Variants in RIC1 observed in about 807,000 individuals in gnomAD.
RIC1 encodes RIC1 partner of RAB6A GEF complex.
Under a neutral mutation model 169.0 loss-of-function variants are expected in RIC1, and 88 were observed. That is an observed-to-expected ratio of 0.52 (90% confidence interval 0.44 to 0.62). RIC1 has a LOEUF of 0.62. RIC1 is among the 20% of genes least tolerant of loss of function. The pLI, the probability that RIC1 is intolerant of heterozygous loss-of-function variation, is 0.00. For missense variants in RIC1, 1,877 were observed against 1,725.5 expected (o/e 1.09, Z -1.56); for synonymous variants, 790 against 601.5 (o/e 1.31, Z -4.59).
chr9:5,772,326 G>T (rs1249102564), intron 23 of RIC1, among the ~76,000 whole-genome samples: 1 of 152,176 alleles, frequency 6.6e-6, no homozygotes, highest in East Asian at 1.9e-4. Flanking sequence ...GGGAGTTGGG[G>T]AAGACTGCTT....
intron 1 of RIC1, among the ~76,000 whole-genome samples, chr9:5,639,212 T>G (rs1818119384): frequency 6.6e-6 from 1 of 152,200 alleles, no homozygotes; most frequent in African/African-American, 2.4e-5. Flanking sequence ...GCCATTTTTC[T>G]TCTTTTATGG....
intron 6 of RIC1, among the ~76,000 whole-genome samples, chr9:5,731,929 A>T (rs1231142693): frequency 6.6e-6 from 1 of 152,232 alleles, no homozygotes; most frequent in African/African-American, 2.4e-5. Context: ...TGTAGAGAAT[A>T]GTAAGCAATT....
chr9:5,758,572 G>A (rs143446566), intron 17 of RIC1, among the ~76,000 whole-genome samples: 54 of 152,094 alleles, frequency 3.6e-4, no homozygotes, highest in Middle Eastern at 3.4e-3. Context: ...ATGATGACCC[G>A]TAAAATATCT....
intron 14 of RIC1, among the ~76,000 whole-genome samples, chr9:5,754,336 T>C (rs1479122139): frequency 6.6e-6 from 1 of 152,240 alleles, no homozygotes; most frequent in Non-Finnish European, 1.5e-5. Flanking sequence ...ATACTTGCCT[T>C]CTTAAAGAAA....
In RIC1 at chr9:5,753,181, G is replaced by T. The variant is rs1400604579; in HGVS notation, c.1453-19G>T. 2 of 1,598,248 alleles carry T rather than the reference G, an allele frequency of 1.3e-6. No homozygotes were observed. Among genetic ancestry groups the T allele is most frequent in the Non-Finnish European group, 1.7e-6 (2 of 1,165,780 alleles). ...TATATTTCATAAGTTTTACCAATCT[G>T]ATGTGTTATTTTCTATAGATTTCCA... On this transcript the variant is annotated intron_variant, in intron 12 of 25. Coordinates refer to ENST00000414202, the MANE Select transcript of RIC1 (RefSeq NM_020829.4).
chr9:5,747,291 C>T lies in RIC1; in HGVS notation c.1249-11C>T, dbSNP rs745658702. 1.3e-5 allele frequency: 21 copies of T among 1,609,536 alleles called. No homozygotes were observed. In the Admixed American group the frequency reaches 1.5e-4, roughly 12 times the overall value. On this transcript the variant is annotated splice_polypyrimidine_tract_variant and intron_variant, in intron 11 of 25. Transcript: ENST00000414202. ...CTCCTTTGCCCTTTTGTTCCTCTTT[C>T]CCTCATTTAGAGTAACCAAGAGCAG...
intron 3 of RIC1, among the ~76,000 whole-genome samples, chr9:5,702,259 A>G (rs1188557584): frequency 6.6e-6 from 1 of 152,234 alleles, no homozygotes; most frequent in Non-Finnish European, 1.5e-5. Context: ...AGAGAGTAGC[A>G]TCTGAGCTGA....
At chr9:5,662,157 A>G (rs1380991797) in intron 2 of RIC1, among the ~76,000 whole-genome samples, 1 of 152,246 alleles carries the variant, frequency 6.6e-6, no homozygotes, top group African/African-American at 2.4e-5. Context: ...ATGTTGAACC[A>G]GTCTTGCATT....
chr9:5,765,837 C>G lies in RIC1; in HGVS notation c.3137+39C>G, dbSNP rs113180251. ...GAGCCATTACTGCTTTTTGGGCATT[C>G]ATGACACATTGCATTTCAAGACATT... On this transcript the variant is annotated intron_variant, in intron 21 of 25. Transcript: ENST00000414202. 1.2e-5 allele frequency: 20 copies of G among 1,606,636 alleles called. No individual in the cohort carries two copies. In the African/African-American group the frequency reaches 1.3e-4, roughly 11 times the overall value.
intron 2 of RIC1, among the ~76,000 whole-genome samples, chr9:5,667,662 C>A (rs984684592): frequency 1.3e-5 from 2 of 152,072 alleles, no homozygotes; most frequent in Admixed American, 1.3e-4. Context: ...CACCACCACG[C>A]CTGGCTGATT....
At chr9:5,730,119 A>G (rs1270817951) in intron 6 of RIC1, among the ~76,000 whole-genome samples, 25 of 152,340 alleles carry the variant, frequency 1.6e-4, no homozygotes, top group Non-Finnish European at 5.9e-5. Flanking sequence ...AACAGTACCT[A>G]TGTATTAATG....
At chr9:5,777,351 A>T (rs911486530), downstream of RIC1, among the ~76,000 whole-genome samples, 3 of 148,596 alleles carry the variant, frequency 2.0e-5, no homozygotes, top group Admixed American at 6.7e-5. Context: ...GAAGGGGAGG[A>T]TCTAATTCCA....
At chr9:5,706,932 A>G (rs751908325) in intron 3 of RIC1, among the ~76,000 whole-genome samples, 51 of 152,124 alleles carry the variant, frequency 3.4e-4, no homozygotes, top group Non-Finnish European at 5.9e-4. Context: ...TAGCCACTCT[A>G]ATTTTTATCA....
At chr9:5,699,895 T>TA (rs1368908658) in intron 3 of RIC1, among the ~76,000 whole-genome samples, 1 of 152,242 alleles carries the variant, frequency 6.6e-6, no homozygotes, top group Non-Finnish European at 1.5e-5. Flanking sequence ...TCTACAGAAT[T>TA]AGTTTTATAT....
chr9:5,743,378 C>T (rs374828339), intron 9 of RIC1, among the ~76,000 whole-genome samples: 1 of 152,022 alleles, frequency 6.6e-6, no homozygotes, highest in East Asian at 1.9e-4. Flanking sequence ...TGTAGGTTAG[C>T]CCAGTGATTG....
chr9:5,751,644 G>A (rs1007624377), intron 12 of RIC1, among the ~76,000 whole-genome samples: 3 of 152,058 alleles, frequency 2.0e-5, no homozygotes, highest in East Asian at 1.9e-4. Context: ...CATGAGCCAC[G>A]GTGCCTGGCC....
At chr9:5,737,664 C>G (rs1045917105) in intron 7 of RIC1, among the ~76,000 whole-genome samples, 1 of 151,656 alleles carries the variant, frequency 6.6e-6, no homozygotes, top group Non-Finnish European at 1.5e-5. Context: ...GAGGTACCAA[C>G]CCCCCAACAC....
At chr9:5,638,637 G>A (rs1391449621) in intron 1 of RIC1, among the ~76,000 whole-genome samples, 1 of 152,154 alleles carries the variant, frequency 6.6e-6, no homozygotes, top group African/African-American at 2.4e-5. Context: ...GTTGCTCATA[G>A]TAGTTTGTGA....
At chr9:5,733,061 G>C (rs1587058012) in intron 7 of RIC1, among the ~76,000 whole-genome samples, 1 of 152,014 alleles carries the variant, frequency 6.6e-6, no homozygotes, top group East Asian at 1.9e-4. Context: ...TTAAATTTTA[G>C]CTCATAAATT....
Sources: gnomAD v4.1 joint callset for allele counts (sites outside exome capture counted in the v4.1 genomes callset) on GRCh38, gnomAD v4.1.1 for gene constraint, MANE v1.5 for transcripts, NCBI Gene and HGNC (gene_info 2026-07-23, HGNC 2026-07-21) for gene names.